Variants in PDE8B observed in about 807,000 individuals in gnomAD.
PDE8B encodes high affinity cAMP-specific and IBMX-insensitive 3',5'-cyclic phosphodiesterase 8B.
In PDE8B, 26 loss-of-function variants were observed where a neutral mutation model predicts 101.3. The observed-to-expected ratio is 0.26, with a 90% CI of 0.19 to 0.36. The LOEUF (loss-of-function observed/expected upper bound fraction) is 0.36, where lower values mean the gene tolerates loss of function less well. Ranked by LOEUF, PDE8B falls within the 10% of genes least tolerant of loss-of-function variation. PDE8B has a pLI of 1.00. For missense variants in PDE8B, 810 were observed against 1,163.1 expected, an observed-to-expected ratio of 0.70 and a Z score of 4.42; for synonymous variants, 424 against 429.3, an observed-to-expected ratio of 0.99 and a Z score of 0.15.
intron 1 of PDE8B, chr5:77,246,847 G>A (rs867662595): frequency 6.6e-6 from 1 of 152,124 alleles, no homozygotes; most frequent in East Asian, 1.9e-4. Context: ...GTTCTTGTTG[G>A]GTAAGAGTTC....
chr5:77,340,719 T>C (rs762928856), intron 6 of PDE8B, among the ~76,000 whole-genome samples: 2 of 151,552 alleles, frequency 1.3e-5, no homozygotes, highest in Non-Finnish European at 2.9e-5. Context: ...TGGCCATGAT[T>C]GACAGAGGAA....
chr5:77,356,745 T>C (rs1306363521), intron 10 of PDE8B, among the ~76,000 whole-genome samples: 1 of 152,110 alleles, frequency 6.6e-6, no homozygotes, highest in East Asian at 1.9e-4. Flanking sequence ...CTCTTATTCT[T>C]GTTACATTTT....
chr5:77,376,717 G>A (rs1003773766), intron 10 of PDE8B, among the ~76,000 whole-genome samples: 4 of 152,086 alleles, frequency 2.6e-5, no homozygotes, highest in South Asian at 2.1e-4. Context: ...CATTCCTCTC[G>A]TTATTACTAA....
chr5:77,171,885 T>C, the PDE8B span, among the ~76,000 whole-genome samples: 5 of 152,182 alleles, frequency 3.3e-5, no homozygotes, highest in South Asian at 4.2e-4. Context: ...CAGGGACCCA[T>C]TGATGAATTC....
the PDE8B span, among the ~76,000 whole-genome samples, chr5:77,111,521 A>T: frequency 3.3e-5 from 5 of 152,228 alleles, no homozygotes; most frequent in African/African-American, 1.2e-4. Flanking sequence ...TGAGGGAAAA[A>T]GCAGGTCTTA....
intron 1 of PDE8B, among the ~76,000 whole-genome samples, chr5:77,277,754 C>T (rs1481979207): frequency 6.6e-6 from 1 of 152,180 alleles, no homozygotes; most frequent in Non-Finnish European, 1.5e-5. Flanking sequence ...ACAGCTCTCT[C>T]CTGTCTCTTT....
chr5:77,301,199 C>A (rs1207305473), intron 1 of PDE8B, among the ~76,000 whole-genome samples: 1 of 152,142 alleles, frequency 6.6e-6, no homozygotes, highest in Non-Finnish European at 1.5e-5. Flanking sequence ...GGGAGATTCC[C>A]ATGGAGACAA....
At chr5:77,275,274 G>T (rs1156920554) in intron 1 of PDE8B, among the ~76,000 whole-genome samples, 1 of 152,128 alleles carries the variant, frequency 6.6e-6, no homozygotes, top group Non-Finnish European at 1.5e-5. Context: ...CACCCTAGAG[G>T]TAACCACTGT....
the PDE8B span, among the ~76,000 whole-genome samples, chr5:77,093,022 C>A: frequency 6.6e-6 from 1 of 152,162 alleles, no homozygotes; most frequent in Non-Finnish European, 1.5e-5. Flanking sequence ...CTGGTGCATC[C>A]CAGATGTGCT....
chr5:77,379,715 A>C (rs1787076892), intron 10 of PDE8B, among the ~76,000 whole-genome samples: 3 of 152,214 alleles, frequency 2.0e-5, no homozygotes, highest in African/African-American at 7.2e-5. Context: ...GATTTTGAGA[A>C]GTGAATCTTC....
At chr5:77,146,264 A>C in the PDE8B span, 1 of 152,186 alleles carries the variant, frequency 6.6e-6, no homozygotes, top group African/African-American at 2.4e-5. Context: ...TTTGTGTGTG[A>C]GAGGGACACA....
chr5:77,355,978 G>C (rs1043376829), intron 10 of PDE8B, among the ~76,000 whole-genome samples: 1 of 152,218 alleles, frequency 6.6e-6, no homozygotes, highest in Non-Finnish European at 1.5e-5. Flanking sequence ...ACCTCTGGCT[G>C]CTTTCATACT....
At chr5:77,342,422 A>G (rs907842236) in intron 6 of PDE8B, among the ~76,000 whole-genome samples, 7 of 152,194 alleles carry the variant, frequency 4.6e-5, no homozygotes, top group Admixed American at 1.3e-4. Flanking sequence ...GATTTCACCC[A>G]GTTCTTTCTG....
At chr5:77,371,466 G>A (rs531053048) in intron 10 of PDE8B, among the ~76,000 whole-genome samples, 5 of 152,054 alleles carry the variant, frequency 3.3e-5, no homozygotes, top group Non-Finnish European at 7.4e-5. Context: ...TTGATCTATT[G>A]GTCAATCTAC....
At chr5:77,245,248 G>A (rs191191981) in intron 1 of PDE8B, among the ~76,000 whole-genome samples, 3 of 152,202 alleles carry the variant, frequency 2.0e-5, no homozygotes, top group East Asian at 1.9e-4. Context: ...CCAAATTAGC[G>A]AAATGTTATA....
chr5:77,385,976 A>T (rs1788512272), intron 10 of PDE8B, among the ~76,000 whole-genome samples: 1 of 151,644 alleles, frequency 6.6e-6, no homozygotes, highest in East Asian at 1.9e-4. Context: ...TTTAGTAGAG[A>T]CGGGGTTTCA....
chr5:77,135,717 C>T, the PDE8B span, among the ~76,000 whole-genome samples: 4 of 152,042 alleles, frequency 2.6e-5, no homozygotes, highest in South Asian at 8.3e-4. Flanking sequence ...CCTCGTGATC[C>T]ACCCGCCTCG....
intron 1 of PDE8B, among the ~76,000 whole-genome samples, chr5:77,273,727 T>A (rs1326796500): frequency 6.6e-6 from 1 of 151,888 alleles, no homozygotes; most frequent in Non-Finnish European, 1.5e-5. Context: ...GTGGACAAAA[T>A]AGTATATAAA....
intron 1 of PDE8B, among the ~76,000 whole-genome samples, chr5:77,247,132 T>C (rs1476838374): frequency 6.6e-6 from 1 of 152,222 alleles, no homozygotes; most frequent in Non-Finnish European, 1.5e-5. Flanking sequence ...AGGGCCCTAC[T>C]GGCCCCTAAA....
Sources: gnomAD v4.1 joint callset for allele counts (sites outside exome capture counted in the v4.1 genomes callset) on GRCh38, gnomAD v4.1.1 for gene constraint, MANE v1.5 for transcripts, NCBI Gene and HGNC (gene_info 2026-07-23, HGNC 2026-07-21) for gene names.